The following ITIH6 variants were observed in gnomAD, a reference collection of about 807,000 sequenced individuals.
ITIH6 encodes the protein inter-alpha-trypsin inhibitor heavy chain family member 6, also known as inter-alpha-trypsin inhibitor heavy chain H6.
In ITIH6, 60 loss-of-function variants were observed where a neutral mutation model predicts 58.2. The ratio of observed to expected loss-of-function variants is 1.03; its 90% confidence interval spans 0.84 to 1.28. The LOEUF is 1.28. Ranked by LOEUF, ITIH6 falls within the 50% of genes most tolerant of loss-of-function variation. ITIH6 has a pLI of 0.00. For missense variants in ITIH6, 1,290 were observed against 1,021.1 expected, an observed-to-expected ratio of 1.26 and a Z score of -3.59; for synonymous variants, 493 against 417.4, an observed-to-expected ratio of 1.18 and a Z score of -2.21.
In ITIH6 at chrX:54,792,032, T is replaced by C. The variant is rs752453585; in HGVS notation, c.262A>G (p.Ile88Val). Residue 88 changes from isoleucine (I) to valine (V), a missense_variant, in exon 3 of 13, where the codon ATC (isoleucine) becomes GTC (valine). Physicochemically the swap from Ile to Val is conservative, Grantham distance 29. Coordinates refer to ENST00000218436, the MANE Select transcript of ITIH6 (RefSeq NM_198510.3). Reference protein sequence around the residue: ...LAFISNFTMTINNKVYIAEVK... With the variant: ...LAFISNFTMTVNNKVYIAEVK... ...TCTGCAATGTAGACTTTATTGTTGA[T>C]GGTCCTAATGGGGCAGGAAAGAGGA... is the stretch of plus-strand genomic sequence containing the variant. The C allele has an allele frequency of 1.7e-6, 2 of 1,187,248 alleles. No individual in the cohort carries two copies. The highest frequency in any genetic ancestry group is 2.3e-6 in the Non-Finnish European group (2 of 873,633).
chrX:54,767,938 G>A (rs1928836189), intron 6 of ITIH6, among the ~76,000 whole-genome samples: 1 of 87,090 alleles, frequency 1.1e-5, no homozygotes, highest in Non-Finnish European at 2.1e-5. Flanking sequence ...TCAATTCCTG[G>A]GTATCCTTGT....
At chrX:54,772,246 G>A (rs1048946391) in intron 6 of ITIH6, among the ~76,000 whole-genome samples, 11 of 112,544 alleles carry the variant, frequency 9.8e-5, no homozygotes, top group African/African-American at 3.5e-4. Flanking sequence ...ATTAATGCAA[G>A]AGCAGAAAAC....
At position 54,757,099 on chromosome X, in the gene ITIH6, A is replaced by G; in HGVS notation, c.2975T>C (p.Ile992Thr). 1 of 1,211,412 alleles carries G rather than the reference A, an allele frequency of 8.3e-7. No homozygotes were observed. Among genetic ancestry groups the G allele is most frequent in the South Asian group, 1.8e-5 (1 of 56,940 alleles). The stretch of plus-strand genomic sequence containing the variant: ...GAGCAGACTGATGGCCTCAGGGAGG[A>G]TGCTAGAAGGCAGCAAGATTGGCAG... The part of the protein sequence containing the change: ...PNLPILLPSS[I>T]LPEAISLLLL... The change falls in exon 8 of 13, where the codon ATC becomes ACC. Residue 992 changes from isoleucine (I) to threonine (T), a missense_variant. Physicochemically the swap from Ile to Thr is moderately conservative, Grantham distance 89. Coordinates refer to ENST00000218436, the MANE Select transcript of ITIH6 (RefSeq NM_198510.3).
chrX:54,753,710 C>T lies in ITIH6; in HGVS notation c.3293G>A (p.Cys1098Tyr), dbSNP rs766471863. The change falls in exon 11 of 13, where the codon TGC becomes TAC. Residue 1098 changes from cysteine (C) to tyrosine (Y), a missense_variant. Cys to Tyr is a radical substitution (Grantham distance 194, BLOSUM62 -2). Coordinates refer to ENST00000218436, the MANE Select transcript of ITIH6 (RefSeq NM_198510.3). Reference sequence around the variant, plus strand: ...CCCAGGGTGCCCATTCAGTGTGAAGCAGATCTTCTCTTCTGAGTGTGGGAT... The same window carrying T: ...CCCAGGGTGCCCATTCAGTGTGAAGTAGATCTTCTCTTCTGAGTGTGGGAT... ...IQIPHSEEKICFTLNGHPGDL... is the reference protein window; with the variant it reads ...IQIPHSEEKIYFTLNGHPGDL... 8.3e-7 allele frequency: 1 copy of T among 1,209,430 alleles called. No homozygotes were observed. Among genetic ancestry groups the T allele is most frequent in the African/African-American group, 1.8e-5 (1 of 56,994 alleles).
chrX:54,749,941 T>A lies in ITIH6; in HGVS notation c.3896A>T (p.His1299Leu), dbSNP rs1431470461. 8.3e-7 allele frequency: 1 copy of A among 1,211,083 alleles called. No homozygotes were observed. The highest frequency in any genetic ancestry group is 1.1e-6 in the Non-Finnish European group (1 of 895,148). Reference protein sequence around the residue: ...WASCWLVKRSHVELLLGHPYL... With the variant: ...WASCWLVKRSLVELLLGHPYL... ...GGGGTGGCCCAGAAGCAGCTCTACA[T>A]GAGAGCGCTTCACCAGCCAGCAGGA... is the stretch of plus-strand genomic sequence containing the variant. The change falls in exon 13 of 13, where the codon CAT (histidine) becomes CTT (leucine). Residue 1299 changes from histidine (H) to leucine (L), a missense_variant. Transcript: ENST00000218436.
intron 5 of ITIH6, among the ~76,000 whole-genome samples, chrX:54,778,525 TC>T (rs1929094314): frequency 3.6e-5 from 4 of 111,450 alleles, no homozygotes; most frequent in Non-Finnish European, 7.5e-5. Context: ...GCAGAATTGT[TC>T]AACCAGAAAA....
intron 5 of ITIH6, among the ~76,000 whole-genome samples, chrX:54,781,554 A>G (rs1450627167): frequency 1.8e-5 from 2 of 112,473 alleles, no homozygotes; most frequent in Non-Finnish European, 1.9e-5. Context: ...ACCAGTCAGA[A>G]TGGCTACTGT....
intron 1 of ITIH6, 100 bp downstream of exon 1, chrX:54,798,009 T>C (rs748692862): frequency 1.1e-5 from 6 of 549,979 alleles, no homozygotes; most frequent in Non-Finnish European, 1.8e-5. Flanking sequence ...TTCTCAGTCA[T>C]AGGACTGAAG....
intron 5 of ITIH6, among the ~76,000 whole-genome samples, chrX:54,785,212 G>A (rs1463222729): frequency 9.2e-6 from 1 of 108,227 alleles, no homozygotes; most frequent in Non-Finnish European, 1.9e-5. Flanking sequence ...CGGGGAGTGG[G>A]GTAGCGGGGA....
chrX:54,777,944 C>G (rs1272811336), intron 5 of ITIH6, among the ~76,000 whole-genome samples: 5 of 111,870 alleles, frequency 4.5e-5, no homozygotes, highest in Admixed American at 3.8e-4. Flanking sequence ...AAATATATGA[C>G]ATTACCAAAT....
At chrX:54,759,688 G>C (rs1388425469) in intron 7 of ITIH6, 68 bp downstream of exon 7, 7 of 916,993 alleles carry the variant, frequency 7.6e-6, no homozygotes, top group Non-Finnish European at 9.0e-6. Flanking sequence ...GGGGAATGAA[G>C]AGAGGGTTTC....
At chrX:54,772,218 G>A (rs187301858) in intron 6 of ITIH6, among the ~76,000 whole-genome samples, 1 of 112,246 alleles carries the variant, frequency 8.9e-6, no homozygotes, top group Non-Finnish European at 1.9e-5. Context: ...GGGAACTGGA[G>A]GCAATCATCC....
intron 9 of ITIH6, among the ~76,000 whole-genome samples, chrX:54,754,640 C>T (rs1024027911): frequency 1.8e-5 from 2 of 111,329 alleles, no homozygotes; most frequent in Non-Finnish European, 3.8e-5. Context: ...TAACCTCTTG[C>T]AGCTGAGAGC....
At position 54,757,959 on chromosome X, in the gene ITIH6, G is replaced by T; in HGVS notation, c.2115C>A (p.Ala705=). 8.3e-7 allele frequency: 1 copy of T among 1,211,842 alleles called. No homozygotes were observed. The highest frequency in any genetic ancestry group is 1.1e-6 in the Non-Finnish European group (1 of 895,498). Residue 705 remains alanine, a synonymous_variant, in exon 8 of 13, where the codon GCC becomes GCA. Transcript: ENST00000218436. ...CAGAATCCTGTTGTGCTGGAATTTTGGCCTTTGGGTATGTGGGCATTGACA... is the reference window on the plus strand; with the variant it reads ...CAGAATCCTGTTGTGCTGGAATTTTTGCCTTTGGGTATGTGGGCATTGACA... ...HTLSMPTYPK[A]KIPAQQDSGT...
At chrX:54,774,376 G>A (rs905331034) in intron 5 of ITIH6, among the ~76,000 whole-genome samples, 179 bp from the exon 6 acceptor site, 1 of 112,765 alleles carries the variant, frequency 8.9e-6, no homozygotes, top group Non-Finnish European at 1.9e-5. Context: ...CACTAGAACC[G>A]TGTCTCAGCT....
At chrX:54,765,378 G>A (rs1202372155) in intron 6 of ITIH6, among the ~76,000 whole-genome samples, 1 of 76,797 alleles carries the variant, frequency 1.3e-5, no homozygotes, top group East Asian at 4.2e-4. Context: ...TTCTTCTAGG[G>A]TTTTTATGGT....
Position 54,757,983 on chromosome X carries a change from C to T in ITIH6, c.2091G>A (p.Leu697=), listed in dbSNP as rs1412964404. 7 of 1,210,050 alleles carry T rather than the reference C, an allele frequency of 5.8e-6. No homozygotes were observed. The highest frequency in any genetic ancestry group is 7.8e-6 in the Non-Finnish European group (7 of 895,272). ...LEPLGESPHT[L]SMPTYPKAKI... is the part of the protein sequence containing the mutation. ...TGGCCTTTGGGTATGTGGGCATTGA[C>T]AGGGTATGAGGGCTCTCTCCCAATG... Residue 697 remains leucine (L), a synonymous_variant, in exon 8 of 13, where the codon CTG becomes CTA. Coordinates refer to ENST00000218436, the MANE Select transcript of ITIH6 (RefSeq NM_198510.3).
intron 9 of ITIH6, 65 bp downstream of exon 9, chrX:54,754,952 T>A: frequency 1.2e-6 from 1 of 854,524 alleles, no homozygotes; most frequent in Non-Finnish European, 1.7e-6. Flanking sequence ...ACAATGTCAA[T>A]AAGAATTCTA....
chrX:54,777,668 A>G (rs1330620078), intron 5 of ITIH6, among the ~76,000 whole-genome samples: 1 of 112,464 alleles, frequency 8.9e-6, no homozygotes, highest in Non-Finnish European at 1.9e-5. Context: ...CTGCCTGGTA[A>G]TGGAAAGAAT....
Sources: gnomAD v4.1 joint callset for allele counts (sites outside exome capture counted in the v4.1 genomes callset) on GRCh38, gnomAD v4.1.1 for gene constraint, MANE v1.5 for transcripts, NCBI Gene and HGNC (gene_info 2026-07-23, HGNC 2026-07-21) for gene names.